The following MAP4 variants were observed in gnomAD, a reference collection of about 807,000 sequenced individuals.
MAP4 encodes the protein microtubule associated protein 4, also known as microtubule-associated protein 4.
A neutral mutation model predicts 170.2 loss-of-function variants in MAP4; 76 were observed. The observed-to-expected ratio is 0.45, with a 90% CI of 0.37 to 0.54. The LOEUF (loss-of-function observed/expected upper bound fraction) is 0.54. MAP4 is among the 20% of genes least tolerant of loss of function. The pLI, the probability that MAP4 is intolerant of heterozygous loss-of-function variation, is 0.00. For missense variants in MAP4, 2,506 were observed against 2,748.0 expected, an observed-to-expected ratio of 0.91 and a Z score of 1.97; for synonymous variants, 909 against 994.5, an observed-to-expected ratio of 0.91 and a Z score of 1.62.
chr3:48,088,402 T>C (rs1464899149), intron 1 of MAP4, among the ~76,000 whole-genome samples: 1 of 151,900 alleles, frequency 6.6e-6, no homozygotes, highest in Non-Finnish European at 1.5e-5. Flanking sequence ...TGAGTTCTCC[T>C]ACACCTCCGA....
chr3:47,902,128 T>C (rs1291828607), intron 10 of MAP4, among the ~76,000 whole-genome samples: 1 of 152,174 alleles, frequency 6.6e-6, no homozygotes, highest in Non-Finnish European at 1.5e-5. Context: ...CACTTCAGCC[T>C]GGGTGACAAA....
rs372480313 is a variant in MAP4, at chr3:47,909,217, T to C, written c.5204A>G (p.Gln1735Arg). The C allele has an allele frequency of 2.5e-5, 40 of 1,613,866 alleles. No homozygotes were observed. The highest frequency in any genetic ancestry group is 4.0e-5 in the African/African-American group (3 of 74,924). ...EPKDKILETP[Q>R]KMTEKSESKT... ...TGATTCAGATTTTTCTGTCATTTTC[T>C]GAGGTGTCTCCAAAATCTTATCTTT... The change falls in exon 9 of 21, where the codon CAG (glutamine) becomes CGG (arginine). Residue 1735 changes from glutamine (Q) to arginine (R), a missense_variant. Around this residue, in one of 3 missense-constraint regions of MAP4, gnomAD observed 2,008 missense variants for 2,206.0 expected, o/e 0.91. Transcript: ENST00000683076.
intron 2 of MAP4, among the ~76,000 whole-genome samples, chr3:47,980,625 A>T (rs559598945): frequency 2.6e-5 from 4 of 152,186 alleles, no homozygotes; most frequent in Non-Finnish European, 5.9e-5. Context: ...GAAAGAAATA[A>T]GGAAGGAAAG....
intron 1 of MAP4, among the ~76,000 whole-genome samples, chr3:48,038,908 C>T (rs924372597): frequency 3.3e-5 from 5 of 152,100 alleles, no homozygotes; most frequent in South Asian, 2.1e-4. Flanking sequence ...TCAAGATCAG[C>T]CTGGGCAACA....
chr3:47,926,787 A>T (rs1174630504), intron 4 of MAP4, among the ~76,000 whole-genome samples: 1 of 151,782 alleles, frequency 6.6e-6, no homozygotes, highest in Admixed American at 6.6e-5. Flanking sequence ...CATCCCACCT[A>T]TGCCTCACAA....
At chr3:47,854,998 G>A in intron 19 of MAP4, 1 of 489,618 alleles carries the variant, frequency 2.0e-6, no homozygotes. Context: ...CAATTAGGAA[G>A]GCCATGGCTC....
intron 3 of MAP4, among the ~76,000 whole-genome samples, chr3:47,970,924 A>G (rs1349262445): frequency 6.6e-6 from 1 of 152,244 alleles, no homozygotes; most frequent in Non-Finnish European, 1.5e-5. Flanking sequence ...AACTGAAATA[A>G]CGTGGCTTAG....
chr3:47,973,252 G>T, intron 3 of MAP4: 1 of 980,266 alleles, frequency 1.0e-6, no homozygotes. Context: ...TTCAACATTG[G>T]GCCAAAAAAG....
At chr3:47,927,410 G>C (rs537435277) in intron 4 of MAP4, among the ~76,000 whole-genome samples, 1 of 152,248 alleles carries the variant, frequency 6.6e-6, no homozygotes. Flanking sequence ...AGGCTCTTTT[G>C]GAACTCATTC....
intron 1 of MAP4, among the ~76,000 whole-genome samples, chr3:48,022,704 C>T (rs1268964057): frequency 6.6e-6 from 1 of 152,106 alleles, no homozygotes; most frequent in Non-Finnish European, 1.5e-5. Context: ...TCCTAGCCAA[C>T]ATGGTGAAAC....
Position 47,997,326 on chromosome 3 carries a change from T to TAAAAA in MAP4, c.223+1307_223+1311dup. Among the ~76,000 whole-genome samples, 109 of 44,936 alleles carry TAAAAA rather than the reference T, an allele frequency of 2.4e-3. 1 individual carries two copies. Among genetic ancestry groups the TAAAAA allele is most frequent in the African/African-American group, 5.7e-3 (60 of 10,548 alleles). 29.5% of individuals were successfully genotyped at this position (44,936 alleles called of 152,430 possible). On this transcript the variant is annotated intron_variant, in intron 2 of 20. Transcript: ENST00000683076. Reference sequence around the variant, plus strand: ...TCTAAACACAACATATTTAAACTGCTAAAAAAAAAAAAAAAAAAAGATAAA... The same window carrying TAAAAA: ...TCTAAACACAACATATTTAAACTGCTAAAAAAAAAAAAAAAAAAAAAAAAGATAAA...
intron 2 of MAP4, among the ~76,000 whole-genome samples, chr3:47,981,995 C>T (rs2100085666): frequency 6.6e-6 from 1 of 151,840 alleles, no homozygotes; most frequent in African/African-American, 2.4e-5. Flanking sequence ...AAAATTACAA[C>T]CTATGTTGGC....
At chr3:48,047,007 T>C (rs2100124932) in intron 1 of MAP4, among the ~76,000 whole-genome samples, 1 of 151,728 alleles carries the variant, frequency 6.6e-6, no homozygotes. Flanking sequence ...GGCAGGAGAA[T>C]GGCGTGAACC....
At chr3:47,944,692 C>T (rs1408377388) in intron 3 of MAP4, among the ~76,000 whole-genome samples, 1 of 151,928 alleles carries the variant, frequency 6.6e-6, no homozygotes, top group Non-Finnish European at 1.5e-5. Flanking sequence ...CTTCTCTCCT[C>T]ATTTCTCCCC....
At position 47,851,363 on chromosome 3, in the gene MAP4, C is replaced by T. The variant is rs1263577474; in HGVS notation, c.*1571G>A. The T allele has an allele frequency of 6.6e-6, 1 of 152,232 alleles. No individual in the cohort carries two copies. Among genetic ancestry groups the T allele is most frequent in the East Asian group, 1.9e-4 (1 of 5,190 alleles). 9.4% of individuals were successfully genotyped at this position (152,232 alleles called of 1,614,324 possible). A position where few individuals can be genotyped will look rare whatever the true frequency, so the allele number is the denominator to read the frequency against. ...TGTCAGGCCCAGGACAGCCTCCCTG[C>T]ACATGGAGATCAAATCTAAACTTAG... On this transcript the variant is annotated 3_prime_UTR_variant, in exon 21 of 21. Coordinates refer to ENST00000683076, the MANE Select transcript of MAP4 (RefSeq NM_001385682.1).
chr3:47,952,353 C>T (rs1365258955), intron 3 of MAP4, among the ~76,000 whole-genome samples: 42 of 150,736 alleles, frequency 2.8e-4, no homozygotes, highest in African/African-American at 1.0e-3. Flanking sequence ...AGTGAGGAGC[C>T]CCTCTGCCCG....
At chr3:47,983,446 G>A (rs2100086599) in intron 2 of MAP4, among the ~76,000 whole-genome samples, 1 of 151,966 alleles carries the variant, frequency 6.6e-6, no homozygotes, top group Admixed American at 6.6e-5. Flanking sequence ...GAGTGCAGTG[G>A]CACAATCTCA....
chr3:48,085,743 G>A (rs1347848763), intron 1 of MAP4, among the ~76,000 whole-genome samples: 4 of 152,126 alleles, frequency 2.6e-5, no homozygotes, highest in Non-Finnish European at 4.4e-5. Flanking sequence ...CCAACATGGT[G>A]AAACCCCATC....
intron 1 of MAP4, among the ~76,000 whole-genome samples, chr3:48,073,746 A>G (rs1258823745): frequency 6.6e-6 from 1 of 152,234 alleles, no homozygotes; most frequent in Non-Finnish European, 1.5e-5. Flanking sequence ...CAATAGCATC[A>G]AAAGGAATAA....
Sources: allele counts gnomAD v4.1 joint callset (sites outside exome capture counted in the v4.1 genomes callset), GRCh38; gene constraint gnomAD v4.1.1; regional missense constraint gnomAD v4.1.1; transcripts MANE v1.5; gene names NCBI Gene and HGNC (gene_info 2026-07-23, HGNC 2026-07-21).